The following PCDHGA6 variants were observed in gnomAD, a reference collection of about 807,000 sequenced individuals.
PCDHGA6 encodes protocadherin gamma-A6.
Under a neutral mutation model 60.6 loss-of-function variants are expected in PCDHGA6, and 41 were observed. The observed-to-expected ratio is 0.68, with a 90% CI of 0.53 to 0.88. The LOEUF is 0.88. Among genes scored for constraint, PCDHGA6 ranks in the 40% least tolerant of loss-of-function variants. The pLI is 0.00. For synonymous variants in PCDHGA6, 594 were observed against 524.4 expected (o/e 1.13, Z -1.81); for missense variants, 1,312 against 1,203.0 (o/e 1.09, Z -1.34).
chr5:141,376,529 C>A (rs536041905), intron 1 of PCDHGA6, 22 bp downstream of exon 1: 2 of 1,613,656 alleles, frequency 1.2e-6, no homozygotes, highest in Non-Finnish European at 1.7e-6. Context: ...TCCGCCTAAG[C>A]GGGAAGAGTA....
At chr5:141,380,946 C>A (rs555019785) in intron 1 of PCDHGA6, among the ~76,000 whole-genome samples, 2 of 152,328 alleles carry the variant, frequency 1.3e-5, no homozygotes, top group East Asian at 3.8e-4. Flanking sequence ...CTTGCCTCAA[C>A]AAGAAGTTCA....
chr5:141,386,345 AG>A (rs2090538065), intron 1 of PCDHGA6, among the ~76,000 whole-genome samples: 1 of 152,200 alleles, frequency 6.6e-6, no homozygotes, highest in Admixed American at 6.5e-5. Context: ...GTGGATGACA[AG>A]GTAATCTTGA....
At chr5:141,442,129 G>T in intron 1 of PCDHGA6, 1 of 165,104 alleles carries the variant, frequency 6.1e-6, no homozygotes, top group Non-Finnish European at 1.3e-5. Flanking sequence ...CCGACAGCCT[G>T]CAGGAGACTC....
intron 1 of PCDHGA6, chr5:141,409,515 T>C (rs1273041163): frequency 5.0e-6 from 8 of 1,613,844 alleles, no homozygotes; most frequent in Non-Finnish European, 6.8e-6. Context: ...AGTAGAAGCA[T>C]CACCTTGTAT....
At chr5:141,412,779 C>A (rs966431850) in intron 1 of PCDHGA6, among the ~76,000 whole-genome samples, 6 of 152,168 alleles carry the variant, frequency 3.9e-5, no homozygotes, top group Non-Finnish European at 7.3e-5. Context: ...ACAATATTTT[C>A]ACTCCACTTT....
intron 1 of PCDHGA6, chr5:141,398,585 T>C (rs200356405): frequency 1.9e-6 from 3 of 1,614,080 alleles, no homozygotes; most frequent in Non-Finnish European, 2.5e-6. Flanking sequence ...ACAAGATTTA[T>C]ACTAGAAGTA....
At chr5:141,420,268 T>C (rs375162019) in intron 1 of PCDHGA6, 254 of 1,543,666 alleles carry the variant, frequency 1.6e-4, no homozygotes, top group Non-Finnish European at 2.1e-4. Context: ...AGAAGATTCT[T>C]AAACAGGTAA....
Position 141,422,179 on chromosome 5 carries a change from A to G in PCDHGA6, c.2424+45672A>G, listed in dbSNP as rs757086661. The G allele has an allele frequency of 2.0e-5, 32 of 1,562,402 alleles. No homozygotes were observed. Among genetic ancestry groups the G allele is most frequent in the Non-Finnish European group, 2.6e-5 (30 of 1,159,048 alleles). ...TTTTGAAAAATATAGATTCTATGAG[A>G]TGGAAATTCAAGGCCAAGATGGTGG... is the stretch of plus-strand genomic sequence containing the variant. On this transcript the variant is annotated intron_variant, in intron 1 of 3. Coordinates refer to ENST00000517434, the MANE Select transcript of PCDHGA6 (RefSeq NM_018919.3).
At position 141,445,006 on chromosome 5, in the gene PCDHGA6, G is replaced by A. The variant is rs550056654; in HGVS notation, c.2425-49801G>A. Among the ~76,000 whole-genome samples, 51 of 152,044 alleles carry A rather than the reference G, an allele frequency of 3.4e-4. 2 individuals are homozygous for A. The South Asian group carries it at 9.6e-3, about 28-fold the overall frequency. ...CATGGTATATATTTCCATTTAATTA[G>A]GTCTTTAATTTCTCTCAGCTATGTT... On this transcript the variant is annotated intron_variant, in intron 1 of 3. Transcript: ENST00000517434.
intron 1 of PCDHGA6, chr5:141,399,761 G>C: frequency 1.2e-6 from 2 of 1,613,356 alleles, no homozygotes; most frequent in Non-Finnish European, 1.7e-6. Flanking sequence ...GTGAGCCTGC[G>C]CGTGTTGGTG....
At chr5:141,415,754 T>C in intron 1 of PCDHGA6, 3 of 1,385,738 alleles carry the variant, frequency 2.2e-6, no homozygotes, top group South Asian at 1.7e-5. Context: ...TTTTTTTTTT[T>C]TTTTTTTTTT....
At chr5:141,502,118 G>A (rs897244225) in intron 2 of PCDHGA6, among the ~76,000 whole-genome samples, 3 of 152,108 alleles carry the variant, frequency 2.0e-5, no homozygotes, top group African/African-American at 7.2e-5. Context: ...CCTCAGCCAG[G>A]CCCACAGAGC....
chr5:141,390,330 C>T, intron 1 of PCDHGA6: 1 of 1,600,608 alleles, frequency 6.2e-7, no homozygotes, highest in Non-Finnish European at 8.5e-7. Flanking sequence ...ACCCATTTCT[C>T]CATATTCACA....
chr5:141,407,200 G>A (rs1054595818), intron 1 of PCDHGA6, among the ~76,000 whole-genome samples: 2 of 152,228 alleles, frequency 1.3e-5, no homozygotes, highest in East Asian at 1.9e-4. Context: ...TTTCAAACAC[G>A]TTTTCCCCCT....
intron 1 of PCDHGA6, chr5:141,430,688 A>G: frequency 1.4e-6 from 2 of 1,402,360 alleles, no homozygotes; most frequent in Non-Finnish European, 1.9e-6. Context: ...GTCCCATTCT[A>G]TGGGCGAAGG....
chr5:141,454,908 C>T (rs1370482009), intron 1 of PCDHGA6, among the ~76,000 whole-genome samples: 3 of 145,392 alleles, frequency 2.1e-5, no homozygotes, highest in Non-Finnish European at 4.5e-5. Context: ...CCCGGGTTCA[C>T]GCCATTCTCC....
Position 141,375,779 on chromosome 5 carries a change from G to A in PCDHGA6, c.1696G>A (p.Ala566Thr), listed in dbSNP as rs749559180. The stretch of plus-strand genomic sequence containing the variant: ...CAATGCGCCCGAGATCCTGTACCCC[G>A]CCCTCCCCACAGACGGTTCCACTGG... ...NDNAPEILYP[A>T]LPTDGSTGVE... Residue 566 changes from alanine to threonine, a missense_variant, in exon 1 of 4, where the codon GCC (alanine) becomes ACC (threonine). Physicochemically the swap from Ala to Thr is moderately conservative, Grantham distance 58. Coordinates refer to ENST00000517434, the MANE Select transcript of PCDHGA6 (RefSeq NM_018919.3). The A allele has an allele frequency of 1.9e-6, 3 of 1,614,176 alleles. No homozygotes were observed. Among genetic ancestry groups the A allele is most frequent in the South Asian group, 1.1e-5 (1 of 91,088 alleles).
In PCDHGA6 at chr5:141,489,432, G is replaced by A. The variant is rs2099687138; in HGVS notation, c.2425-5375G>A. ...TGACAGATCTGTTGAGCCGGCGGCTGCAATTGGGCTCTGAGGAGAATGGGC... is the reference window on the plus strand; with the variant it reads ...TGACAGATCTGTTGAGCCGGCGGCTACAATTGGGCTCTGAGGAGAATGGGC... On this transcript the variant is annotated intron_variant, in intron 1 of 3. Transcript: ENST00000517434. The surrounding 1 kb of genome is among the most constrained non-coding windows in gnomAD (Gnocchi z 4.5). 3.1e-6 allele frequency: 5 copies of A among 1,614,166 alleles called. No individual in the cohort carries two copies. Among genetic ancestry groups the A allele is most frequent in the Non-Finnish European group, 4.2e-6 (5 of 1,180,036 alleles).
intron 1 of PCDHGA6, among the ~76,000 whole-genome samples, chr5:141,484,760 A>G (rs1472178052): frequency 2.0e-5 from 3 of 151,880 alleles, no homozygotes; most frequent in South Asian, 2.1e-4. Flanking sequence ...GTATATATAT[A>G]TATATGTTGT....
Sources: allele counts gnomAD v4.1 joint callset (sites outside exome capture counted in the v4.1 genomes callset), GRCh38; gene constraint gnomAD v4.1.1; non-coding constraint Gnocchi (gnomAD v3.1); transcripts MANE v1.5; gene names NCBI Gene and HGNC (gene_info 2026-07-23, HGNC 2026-07-21).